MAPK10: variants seen among roughly 807,000 people sequenced by gnomAD.
MAPK10 encodes the protein JNK3 alpha protein kinase.
Under a neutral mutation model 59.3 loss-of-function variants are expected in MAPK10, and 25 were observed. That is an observed-to-expected ratio of 0.42 (90% CI 0.31 to 0.59). MAPK10 has a LOEUF of 0.59. Among genes scored for constraint, MAPK10 ranks in the 20% least tolerant of loss-of-function variants. The pLI is 0.15. For synonymous variants in MAPK10, 190 were observed against 200.5 expected (o/e 0.95, Z 0.44); for missense variants, 351 against 568.9 (o/e 0.62, Z 3.90).
chr4:86,369,947 G>A (rs1738503643), intron 1 of MAPK10, among the ~76,000 whole-genome samples: 1 of 152,126 alleles, frequency 6.6e-6, no homozygotes, highest in Non-Finnish European at 1.5e-5. Flanking sequence ...CTTTTCATGA[G>A]AAACAAATTA....
At chr4:86,402,772 C>T (rs1743884679) in intron 1 of MAPK10, among the ~76,000 whole-genome samples, 1 of 152,048 alleles carries the variant, frequency 6.6e-6, no homozygotes, top group African/African-American at 2.4e-5. Context: ...CTCAAAAGGC[C>T]ATTCGGTGGC....
intron 1 of MAPK10, among the ~76,000 whole-genome samples, chr4:86,433,555 CTT>C (rs574706672): frequency 2.8e-3 from 272 of 97,560 alleles, no homozygotes; most frequent in African/African-American, 0.01. Flanking sequence ...GGGCCTTCTT[CTT>C]TTTTTTTTTT....
chr4:86,465,875 A>T (rs951087422), intron 1 of MAPK10, among the ~76,000 whole-genome samples: 3 of 152,218 alleles, frequency 2.0e-5, no homozygotes, highest in Non-Finnish European at 2.9e-5. Flanking sequence ...ACCTGGGGAC[A>T]GATCAAGAAG....
At chr4:86,457,821 T>C (rs1030449968), upstream of MAPK10, 2 of 151,928 alleles carry the variant, frequency 1.3e-5, no homozygotes, top group African/African-American at 4.8e-5. Flanking sequence ...CTAAAATCCA[T>C]ACGGAACCAA....
chr4:86,440,518 C>G (rs1749278766), intron 1 of MAPK10, among the ~76,000 whole-genome samples: 1 of 151,576 alleles, frequency 6.6e-6, no homozygotes, highest in South Asian at 2.1e-4. Context: ...GTAGTCTCAG[C>G]TACTTAGGAG....
intron 11 of MAPK10, among the ~76,000 whole-genome samples, chr4:86,055,918 G>A (rs2044460493): frequency 6.7e-6 from 1 of 149,738 alleles, no homozygotes; most frequent in Non-Finnish European, 1.5e-5. Context: ...CAAATCAAAT[G>A]ACAGCAAACA....
At chr4:86,137,003 C>T (rs1410982663) in intron 4 of MAPK10, among the ~76,000 whole-genome samples, 1 of 152,030 alleles carries the variant, frequency 6.6e-6, no homozygotes, top group Non-Finnish European at 1.5e-5. Flanking sequence ...AATATATATG[C>T]ACCCAATACA....
chr4:86,272,686 C>T (rs2094468604), intron 2 of MAPK10, among the ~76,000 whole-genome samples: 1 of 151,744 alleles, frequency 6.6e-6, no homozygotes, highest in South Asian at 2.1e-4. Context: ...TAAGAATAAC[C>T]CAAACAGAAG....
chr4:86,248,625 A>G (rs1010578011), intron 2 of MAPK10, among the ~76,000 whole-genome samples: 2 of 152,192 alleles, frequency 1.3e-5, no homozygotes, highest in African/African-American at 2.4e-5. Context: ...TGCTTCATCA[A>G]AGAAGAATCT....
At chr4:86,238,487 T>A (rs534798830) in intron 2 of MAPK10, among the ~76,000 whole-genome samples, 27 of 152,338 alleles carry the variant, frequency 1.8e-4, no homozygotes, top group East Asian at 1.2e-3. Flanking sequence ...GAGGATGGAA[T>A]GTTTTTCCTC....
chr4:86,255,249 A>C (rs190871685), intron 2 of MAPK10, among the ~76,000 whole-genome samples: 23 of 152,250 alleles, frequency 1.5e-4, no homozygotes, highest in African/African-American at 5.3e-4. Context: ...TGGGTTCTAA[A>C]ATAAACTCAC....
intron 1 of MAPK10, among the ~76,000 whole-genome samples, chr4:86,541,021 A>T (rs927928927): frequency 6.6e-6 from 1 of 152,206 alleles, no homozygotes; most frequent in Non-Finnish European, 1.5e-5. Flanking sequence ...CTGATAACGC[A>T]GGGTGGCTGC....
intron 1 of MAPK10, among the ~76,000 whole-genome samples, chr4:86,472,656 A>G (rs548941858): frequency 6.6e-6 from 1 of 152,336 alleles, no homozygotes; most frequent in East Asian, 1.9e-4. Context: ...GTCTCCAAAA[A>G]AAAAAAGTTG....
chr4:86,469,263 A>G (rs1302469873), intron 1 of MAPK10, among the ~76,000 whole-genome samples: 2 of 152,204 alleles, frequency 1.3e-5, no homozygotes, highest in African/African-American at 2.4e-5. Flanking sequence ...AAACAAAACA[A>G]AACAGAACAA....
chr4:86,107,497 A>C (rs1281505586), intron 4 of MAPK10, 145 bp from the exon 5 acceptor site: 1 of 1,343,662 alleles, frequency 7.4e-7, no homozygotes, highest in Admixed American at 3.3e-5. Flanking sequence ...TCAGGCTTTA[A>C]GTAAAGATAT....
At chr4:86,220,756 C>T (rs1460768) in intron 2 of MAPK10, among the ~76,000 whole-genome samples, 233 of 152,194 alleles carry the variant, frequency 1.5e-3, no homozygotes, top group African/African-American at 5.2e-3. Context: ...ATTTGTATGG[C>T]GTTTCTAACT....
At chr4:86,467,289 A>G (rs2149064207) in intron 1 of MAPK10, among the ~76,000 whole-genome samples, 1 of 152,354 alleles carries the variant, frequency 6.6e-6, no homozygotes, top group Admixed American at 6.5e-5. Flanking sequence ...AGTTTTCACC[A>G]AAAACAAGAG....
At chr4:86,348,701 A>G (rs187831992) in intron 2 of MAPK10, among the ~76,000 whole-genome samples, 1 of 152,308 alleles carries the variant, frequency 6.6e-6, no homozygotes, top group East Asian at 1.9e-4. Context: ...AGTACCTACT[A>G]TCTACTCTTT....
At chr4:86,246,057 CCATTTATCCTTT>C (rs1365214201) in intron 2 of MAPK10, among the ~76,000 whole-genome samples, 1 of 152,158 alleles carries the variant, frequency 6.6e-6, no homozygotes, top group African/African-American at 2.4e-5. Context: ...TATTATCCTT[CCATTTATCCTTT>C]CATTTAAAAA....
Sources: allele counts gnomAD v4.1 joint callset (sites outside exome capture counted in the v4.1 genomes callset), GRCh38; gene constraint gnomAD v4.1.1; transcripts MANE v1.5; gene names NCBI Gene and HGNC (gene_info 2026-07-23, HGNC 2026-07-21).